RPS6KC1: variants seen among roughly 807,000 people sequenced by gnomAD.
The protein encoded by RPS6KC1 is inactive ribosomal protein S6 kinase delta-1.
A neutral mutation model predicts 103.8 loss-of-function variants in RPS6KC1; 54 were observed. The ratio of observed to expected loss-of-function variants is 0.52; its 90% CI spans 0.42 to 0.65. The LOEUF (loss-of-function observed/expected upper bound fraction) is 0.65. RPS6KC1 is among the 30% of genes least tolerant of loss of function. The pLI is 0.00. For synonymous variants in RPS6KC1, 439 were observed against 438.7 expected (o/e 1.00, Z -0.01); for missense variants, 1,151 against 1,253.8 (o/e 0.92, Z 1.24).
At position 213,193,816 on chromosome 1, in the gene RPS6KC1, T is replaced by C. The variant is rs946237657; in HGVS notation, c.1044+17324T>C. On this transcript the variant is annotated intron_variant, in intron 8 of 14. Transcript: ENST00000366960. The stretch of plus-strand genomic sequence containing the variant: ...GCTAGCTTTGCATTTTTTGTAGATA[T>C]GGGGTTTTGCCATGTTGCCCAGGCT... Among the ~76,000 whole-genome samples the C allele has an allele frequency of 2.6e-5, 4 of 151,972 alleles. No individual in the cohort carries two copies. The South Asian group carries it at 6.3e-4, about 24-fold the overall frequency.
chr1:213,102,683 G>A (rs946565666), intron 3 of RPS6KC1, among the ~76,000 whole-genome samples: 2 of 152,234 alleles, frequency 1.3e-5, no homozygotes, highest in African/African-American at 2.4e-5. Flanking sequence ...TCCATAGTAA[G>A]TAAAGCAGTA....
chr1:213,776,743 C>T, the RPS6KC1 span, among the ~76,000 whole-genome samples: 1 of 152,166 alleles, frequency 6.6e-6, no homozygotes, highest in Non-Finnish European at 1.5e-5. Flanking sequence ...ATTGACTTCT[C>T]CTCTCTAGCT....
the RPS6KC1 span, among the ~76,000 whole-genome samples, chr1:213,469,647 C>A: frequency 1.4e-3 from 207 of 152,276 alleles, 1 homozygote; most frequent in Non-Finnish European, 2.2e-3. Flanking sequence ...TCATGTGAGT[C>A]CTGCATCATA....
rs1329054465 is a variant in RPS6KC1, at chr1:213,116,011, G to GA, written c.379-1299dup. Among the ~76,000 whole-genome samples, 6 of 152,116 alleles carry GA rather than the reference G, an allele frequency of 3.9e-5. No homozygotes were observed. The South Asian group carries it at 6.2e-4, about 16-fold the overall frequency. ...TTTGTAATAGGTGTGGTGTGGTGCTGAAAAAAATGTATATTCTGTTGATTT... is the reference window on the plus strand; with the variant it reads ...TTTGTAATAGGTGTGGTGTGGTGCTGAAAAAAAATGTATATTCTGTTGATTT... On this transcript the variant is annotated intron_variant, in intron 4 of 14. Coordinates refer to ENST00000366960, the MANE Select transcript of RPS6KC1 (RefSeq NM_012424.6).
chr1:213,560,213 T>C, the RPS6KC1 span, among the ~76,000 whole-genome samples: 1 of 152,228 alleles, frequency 6.6e-6, no homozygotes, highest in East Asian at 1.9e-4. Flanking sequence ...ATTTGTCAGA[T>C]ATAATTAAGA....
chr1:213,101,288 T>C (rs1349356176), intron 3 of RPS6KC1, among the ~76,000 whole-genome samples: 1 of 152,232 alleles, frequency 6.6e-6, no homozygotes, highest in African/African-American at 2.4e-5. Flanking sequence ...TCTGTTGTTA[T>C]TCTGAAGTAT....
chr1:213,801,103 T>G, the RPS6KC1 span, among the ~76,000 whole-genome samples: 1 of 152,208 alleles, frequency 6.6e-6, no homozygotes, highest in Non-Finnish European at 1.5e-5. Context: ...GAGCTGGACC[T>G]CTCTTCATCA....
At chr1:213,126,536 A>G (rs1444269210) in intron 5 of RPS6KC1, among the ~76,000 whole-genome samples, 2 of 152,148 alleles carry the variant, frequency 1.3e-5, no homozygotes, top group African/African-American at 4.8e-5. Context: ...TTTTTACCCT[A>G]ACTTACTTTA....
chr1:213,542,717 G>A, the RPS6KC1 span, among the ~76,000 whole-genome samples: 2 of 152,232 alleles, frequency 1.3e-5, no homozygotes, highest in Non-Finnish European at 2.9e-5. Flanking sequence ...TCAGGACATA[G>A]TTAAGAAAGT....
chr1:213,287,365 T>C, the RPS6KC1 span, among the ~76,000 whole-genome samples: 3 of 152,160 alleles, frequency 2.0e-5, no homozygotes, highest in Non-Finnish European at 2.9e-5. Flanking sequence ...TGCTAGCCTT[T>C]ATTGGTATCT....
the RPS6KC1 span, among the ~76,000 whole-genome samples, chr1:213,422,192 C>A: frequency 2.0e-5 from 3 of 152,180 alleles, no homozygotes; most frequent in African/African-American, 7.2e-5. Context: ...TTCCTCCAGC[C>A]CTCATCTCTA....
the RPS6KC1 span, among the ~76,000 whole-genome samples, chr1:213,493,144 T>C: frequency 6.6e-6 from 1 of 152,318 alleles, no homozygotes; most frequent in African/African-American, 2.4e-5. Context: ...GACTCCCTTT[T>C]CCATAAGGTT....
the RPS6KC1 span, among the ~76,000 whole-genome samples, chr1:213,366,128 G>T: frequency 0.43 from 64,653 of 152,090 alleles, 16,418 homozygotes; most frequent in African/African-American, 0.7. Context: ...TGTCCATCTC[G>T]CATTAAGAGG....
the RPS6KC1 span, among the ~76,000 whole-genome samples, chr1:213,319,050 C>T: frequency 6.6e-6 from 1 of 152,132 alleles, no homozygotes; most frequent in African/African-American, 2.4e-5. Flanking sequence ...TCACGCCTGT[C>T]ATCCTACCAC....
intron 3 of RPS6KC1, among the ~76,000 whole-genome samples, chr1:213,097,344 T>C (rs2081557594): frequency 6.6e-6 from 1 of 152,200 alleles, no homozygotes; most frequent in Non-Finnish European, 1.5e-5. Flanking sequence ...AGAGTGAGAC[T>C]GTCTCAAAAA....
At chr1:213,277,236 T>TA (rs1183112342), downstream of RPS6KC1, among the ~76,000 whole-genome samples, 1 of 152,268 alleles carries the variant, frequency 6.6e-6, no homozygotes, top group African/African-American at 2.4e-5. Context: ...CAGCATCACT[T>TA]ACTCTCTCAA....
chr1:213,401,339 G>A, the RPS6KC1 span, among the ~76,000 whole-genome samples: 2 of 152,186 alleles, frequency 1.3e-5, no homozygotes, highest in East Asian at 1.9e-4. Flanking sequence ...CAAGATCAAT[G>A]ACAGCCAAGT....
At chr1:213,782,839 CA>C in the RPS6KC1 span, among the ~76,000 whole-genome samples, 1 of 152,186 alleles carries the variant, frequency 6.6e-6, no homozygotes, top group African/African-American at 2.4e-5. Context: ...TAAGGCACAA[CA>C]GCCACTGGTC....
chr1:213,206,443 T>G (rs2093351752), intron 8 of RPS6KC1, among the ~76,000 whole-genome samples: 1 of 152,202 alleles, frequency 6.6e-6, no homozygotes, highest in Non-Finnish European at 1.5e-5. Context: ...TTACAGTATA[T>G]CAGACATGGT....
Sources: allele counts gnomAD v4.1 joint callset (sites outside exome capture counted in the v4.1 genomes callset), GRCh38; gene constraint gnomAD v4.1.1; transcripts MANE v1.5; gene names NCBI Gene and HGNC (gene_info 2026-07-23, HGNC 2026-07-21).